Variants in OXR1 observed in about 807,000 individuals in gnomAD.
OXR1 encodes oxidation resistance protein 1.
A neutral mutation model predicts 104.6 loss-of-function variants in OXR1; 41 were observed. The observed-to-expected ratio is 0.39, with a 90% confidence interval of 0.31 to 0.51. The LOEUF is 0.51. OXR1 is among the 20% of genes least tolerant of loss of function. The pLI is 0.77. For missense variants in OXR1, 955 were observed against 1,031.9 expected, an observed-to-expected ratio of 0.93 and a Z score of 1.02; for synonymous variants, 348 against 348.4, an observed-to-expected ratio of 1.00 and a Z score of 0.01.
chr8:106,289,047 A>G (rs749904887), intron 1 of OXR1, among the ~76,000 whole-genome samples: 6 of 152,124 alleles, frequency 3.9e-5, no homozygotes, highest in Admixed American at 2.0e-4. Context: ...GACATCTATG[A>G]CGAACTCACA....
In OXR1 at chr8:106,339,515, AAAAAATATATATATATATATAT is replaced by A. The variant is rs1204928165; in HGVS notation, c.-138-19959_-138-19938del. Among the ~76,000 whole-genome samples, 302 of 31,234 alleles carry A rather than the reference AAAAAATATATATATATATATAT, an allele frequency of 9.7e-3. 15 individuals are homozygous for A. The highest frequency in any genetic ancestry group is 0.054 in the African/African-American group (284 of 5,244). The allele number at this position is 31,234 out of a possible 152,430, so 20.5% of individuals were successfully genotyped here. A position where few individuals can be genotyped will look rare whatever the true frequency, so the allele number is the denominator to read the frequency against. On this transcript the variant is annotated intron_variant, in intron 1 of 16. Coordinates refer to ENST00000517566, the MANE Select transcript of OXR1 (RefSeq NM_001198533.2). ...TCCAAAAAAAAAAAAAAAAAAAAAAAAAAAATATATATATATATATATATATATATATATATATATAAAACGA... is the reference window on the plus strand; with the variant it reads ...TCCAAAAAAAAAAAAAAAAAAAAAAAATATATATATATATATATAAAACGA...
At chr8:106,508,113 A>T (rs1812288301) in intron 2 of OXR1, among the ~76,000 whole-genome samples, 1 of 152,082 alleles carries the variant, frequency 6.6e-6, no homozygotes. Flanking sequence ...TCTATTTCTC[A>T]ATTAGTTCAG....
intron 2 of OXR1, among the ~76,000 whole-genome samples, chr8:106,476,483 A>G (rs893270021): frequency 9.9e-5 from 15 of 151,964 alleles, no homozygotes; most frequent in Admixed American, 1.3e-4. Flanking sequence ...AGTCCTGATT[A>G]TAAACCTGAC....
intron 16 of OXR1, among the ~76,000 whole-genome samples, chr8:106,746,820 A>G (rs549417379): frequency 6.6e-6 from 1 of 152,254 alleles, no homozygotes; most frequent in South Asian, 2.1e-4. Context: ...GCCCTCCCCT[A>G]AACAGTAGTC....
At chr8:106,317,561 T>C (rs1304788962) in intron 1 of OXR1, among the ~76,000 whole-genome samples, 2 of 152,184 alleles carry the variant, frequency 1.3e-5, no homozygotes, top group Non-Finnish European at 2.9e-5. Context: ...GTAACCTTAA[T>C]GTGTATTTTT....
chr8:106,692,032 T>A lies in OXR1; in HGVS notation c.526-696T>A, dbSNP rs552039882. 4.6e-5 allele frequency among the ~76,000 whole-genome samples: 7 copies of A among 151,610 alleles called. No homozygotes were observed. The East Asian group carries it at 1.4e-3, about 29-fold the overall frequency. Reference sequence around the variant, plus strand: ...ATATATATACACATATATATATAACTATACCTCTAGTTTGTTTTTAAAAAA... The same window carrying A: ...ATATATATACACATATATATATAACAATACCTCTAGTTTGTTTTTAAAAAA... On this transcript the variant is annotated intron_variant, in intron 6 of 16. Transcript: ENST00000517566.
chr8:106,533,276 T>C (rs1480591331), intron 3 of OXR1, among the ~76,000 whole-genome samples: 1 of 152,210 alleles, frequency 6.6e-6, no homozygotes, highest in Non-Finnish European at 1.5e-5. Flanking sequence ...TATAATCCAA[T>C]AAATTTGTTA....
At chr8:106,525,248 A>C (rs920660475) in intron 3 of OXR1, among the ~76,000 whole-genome samples, 2 of 152,180 alleles carry the variant, frequency 1.3e-5, no homozygotes, top group African/African-American at 4.8e-5. Flanking sequence ...ATTTATTCAC[A>C]TTATCTCACT....
At chr8:106,450,046 G>T (rs1178477507) in intron 2 of OXR1, among the ~76,000 whole-genome samples, 1 of 152,166 alleles carries the variant, frequency 6.6e-6, no homozygotes, top group Non-Finnish European at 1.5e-5. Context: ...TTGTAGTTGA[G>T]CTTTGCATTG....
At chr8:106,633,628 G>T (rs1414894822) in intron 3 of OXR1, among the ~76,000 whole-genome samples, 1 of 152,160 alleles carries the variant, frequency 6.6e-6, no homozygotes, top group Non-Finnish European at 1.5e-5. Flanking sequence ...GCCAGCAGTT[G>T]CTTCTTTTGA....
intron 1 of OXR1, among the ~76,000 whole-genome samples, chr8:106,277,800 T>G (rs1812117330): frequency 6.6e-6 from 1 of 152,220 alleles, no homozygotes. Flanking sequence ...AGTCTCTTCC[T>G]GTACCTTTTA....
chr8:106,741,804 G>GA (rs1245573870), intron 14 of OXR1, among the ~76,000 whole-genome samples: 5 of 151,952 alleles, frequency 3.3e-5, no homozygotes, highest in Non-Finnish European at 5.9e-5. Flanking sequence ...TAATGATAAA[G>GA]AAAAAATATC....
chr8:106,344,157 G>T (rs916283236), intron 1 of OXR1, among the ~76,000 whole-genome samples: 1 of 152,162 alleles, frequency 6.6e-6, no homozygotes, highest in African/African-American at 2.4e-5. Context: ...GTCAAAATGG[G>T]TGGGGTTCCC....
chr8:106,501,901 C>A (rs1022867736), intron 2 of OXR1, among the ~76,000 whole-genome samples: 5 of 152,106 alleles, frequency 3.3e-5, no homozygotes, highest in African/African-American at 4.8e-5. Flanking sequence ...CATAAACTGA[C>A]TAAAGAAATG....
rs151316014 is a variant in OXR1, at chr8:106,324,123, A to G, written c.-138-35353A>G. 2.6e-3 allele frequency among the ~76,000 whole-genome samples: 390 copies of G among 152,350 alleles called. 1 individual carries two copies. The highest frequency in any genetic ancestry group is 4.4e-3 in the Non-Finnish European group (298 of 68,020). On this transcript the variant is annotated intron_variant, in intron 1 of 16. Coordinates refer to ENST00000517566, the MANE Select transcript of OXR1 (RefSeq NM_001198533.2). ...ATGGAATCAACCTAACTGTCCATCA[A>G]TGACAGATTGGATAAAGAAAATGTG...
chr8:106,291,814 A>G (rs1448596586), intron 1 of OXR1, among the ~76,000 whole-genome samples: 2 of 152,186 alleles, frequency 1.3e-5, no homozygotes, highest in Non-Finnish European at 2.9e-5. Context: ...ATGTTTTACT[A>G]GGTGGCAGGC....
At chr8:106,328,972 C>T (rs888047761) in intron 1 of OXR1, among the ~76,000 whole-genome samples, 2 of 152,064 alleles carry the variant, frequency 1.3e-5, no homozygotes, top group African/African-American at 4.8e-5. Flanking sequence ...TTGAGGGGGT[C>T]AGGAGCTCAA....
chr8:106,641,824 A>T (rs1161412810), intron 3 of OXR1, among the ~76,000 whole-genome samples: 1 of 152,216 alleles, frequency 6.6e-6, no homozygotes, highest in Non-Finnish European at 1.5e-5. Context: ...GAGGTTATAT[A>T]AGCACCAAAA....
At chr8:106,434,227 G>A (rs1819481318) in intron 2 of OXR1, among the ~76,000 whole-genome samples, 1 of 152,156 alleles carries the variant, frequency 6.6e-6, no homozygotes, top group African/African-American at 2.4e-5. Flanking sequence ...AGCATGTATA[G>A]CAGTAAGATC....
Sources: allele counts gnomAD v4.1 joint callset (sites outside exome capture counted in the v4.1 genomes callset), GRCh38; gene constraint gnomAD v4.1.1; transcripts MANE v1.5; gene names NCBI Gene and HGNC (gene_info 2026-07-23, HGNC 2026-07-21).